SYPL2: variants seen among roughly 807,000 people sequenced by gnomAD.
SYPL2 encodes the protein synaptophysin-like protein 2.
In SYPL2, 24 loss-of-function variants were observed where a neutral mutation model predicts 31.3. The ratio of observed to expected loss-of-function variants is 0.77; its 90% CI spans 0.56 to 1.08. SYPL2 has a LOEUF of 1.08. Among genes scored for constraint, SYPL2 ranks in the 50% least tolerant of loss-of-function variants. SYPL2 has a pLI of 0.00. For missense variants in SYPL2, 342 were observed against 360.1 expected, an observed-to-expected ratio of 0.95 and a Z score of 0.41; for synonymous variants, 144 against 143.1, an observed-to-expected ratio of 1.01 and a Z score of -0.05.
Position 109,475,693 on chromosome 1 carries a change from G to A in SYPL2, c.242G>A (p.Gly81Asp). ...GTGAGCTCCATCATCGTTGCATTTG[G>A]CTATCCCTTCAGGTGAGCAAGAATT... ...KDVSSIIVAF[G>D]YPFRLHRIQY... Residue 81 changes from glycine to aspartate, a missense_variant, in exon 3 of 6, where the codon GGC becomes GAC. Transcript: ENST00000369872. The A allele has an allele frequency of 2.5e-6, 4 of 1,613,924 alleles. No homozygotes were observed. The South Asian group carries it at 3.3e-5, about 13-fold the overall frequency.
At chr1:109,467,176 C>T (rs1257924066) in intron 2 of SYPL2, 43 bp downstream of exon 2, 23 of 1,480,992 alleles carry the variant, frequency 1.6e-5, no homozygotes, top group Non-Finnish European at 1.9e-5. Flanking sequence ...GGAGCCTGGG[C>T]TGTGACGCTG....
rs1445151461 is a variant in SYPL2 at position 109,478,103 on chromosome 1, A to AGAGCTGGTGTCCCCTGCACCTG, written c.648+104_648+125dup. The AGAGCTGGTGTCCCCTGCACCTG allele has an allele frequency of 1.3e-6, 2 of 1,521,850 alleles. No homozygotes were observed. Among genetic ancestry groups the AGAGCTGGTGTCCCCTGCACCTG allele is most frequent in the Admixed American group, 4.0e-5 (2 of 49,900 alleles). The allele number at this position is 1,521,850 out of a possible 1,614,324, so 94.3% of individuals were successfully genotyped here. On this transcript the variant is annotated intron_variant, in intron 5 of 5. Coordinates refer to ENST00000369872, the MANE Select transcript of SYPL2 (RefSeq NM_001040709.2). The surrounding 1 kb of genome is among the most constrained non-coding windows in gnomAD (Gnocchi z 4.0). ...CCTGAAAGGAAAGAGAGGGTGTCCC[A>AGAGCTGGTGTCCCCTGCACCTG]GAGCTGGTGTCCCCTGCACCTGGAG...
At chr1:109,474,323 CTTTT>C (rs67683974) in intron 2 of SYPL2, among the ~76,000 whole-genome samples, 10 of 75,430 alleles carry the variant, frequency 1.3e-4, no homozygotes, top group Non-Finnish European at 1.7e-4. Flanking sequence ...CTTTTCTTTT[CTTTT>C]TTTTTTTTTT....
At chr1:109,473,659 G>A (rs539533206) in intron 2 of SYPL2, among the ~76,000 whole-genome samples, 1 of 152,256 alleles carries the variant, frequency 6.6e-6, no homozygotes, top group East Asian at 1.9e-4. Flanking sequence ...TTGGGAGGTT[G>A]AGGCGGGCGG....
At position 109,479,463 on chromosome 1, in the gene SYPL2, G is replaced by GCCAGGACCAGGA; in HGVS notation, c.752_763dup (p.Asp251_Gln254dup). 6.2e-6 allele frequency: 10 copies of GCCAGGACCAGGA among 1,614,136 alleles called. No homozygotes were observed. The highest frequency in any genetic ancestry group is 8.5e-6 in the Non-Finnish European group (10 of 1,179,990). On this transcript the variant is annotated inframe_insertion, in exon 6 of 6. Transcript: ENST00000369872. ...ACCCCGTGGCATGGACAGGGCCAGG[G>GCCAGGACCAGGA]CCAGGACCAGGACCAGGACCAGGAC...
intron 2 of SYPL2, chr1:109,475,135 G>A (rs891347775): frequency 1.9e-5 from 3 of 153,870 alleles, no homozygotes; most frequent in African/African-American, 7.2e-5. Context: ...AAGCGTTCTA[G>A]GCATGTCTGA....
rs1370236531 is a variant in SYPL2 at position 109,482,089 on chromosome 1, G to C, written c.*2541G>C. 6.6e-6 allele frequency: 1 copy of C among 152,642 alleles called. No homozygotes were observed. Among genetic ancestry groups the C allele is most frequent in the South Asian group, 2.1e-4 (1 of 4,826 alleles). The allele number at this position is 152,642 out of a possible 1,614,324, so 9.5% of individuals were successfully genotyped here. A position where few individuals can be genotyped will look rare whatever the true frequency, so the allele number is the denominator to read the frequency against. ...TGTTGCATGTTGTTTTCTGGTGCTT[G>C]TTATTATATATTTGAATAAACAGTG... On this transcript the variant is annotated 3_prime_UTR_variant, in exon 6 of 6. Transcript: ENST00000369872.
Position 109,476,806 on chromosome 1 carries a change from C to A in SYPL2, c.285C>A (p.Leu95=). Residue 95 remains leucine (L), a synonymous_variant, in exon 4 of 6, where the codon CTC becomes CTA. Transcript: ENST00000369872. ...RLHRIQYEMP[L]CDEESSSKTM... ...ACCGGATCCAATATGAGATGCCCCT[C>A]TGCGATGAAGAGTCCAGCTCCAAGA... 1 of 1,614,220 alleles carries A rather than the reference C, an allele frequency of 6.2e-7. No individual in the cohort carries two copies. The highest frequency in any genetic ancestry group is 1.1e-5 in the South Asian group (1 of 91,074).
Position 109,479,439 on chromosome 1 carries a change from C to T in SYPL2, c.710C>T (p.Thr237Ile), listed in dbSNP as rs756584050. Residue 237 changes from threonine to isoleucine, a missense_variant, in exon 6 of 6, where the codon ACC becomes ATC. Physicochemically the swap from Thr to Ile is moderately conservative, Grantham distance 89 (BLOSUM62 -1). Transcript: ENST00000369872. Reference protein sequence around the residue: ...AGNCWFVFKETPWHGQGQGQD... With the variant: ...AGNCWFVFKEIPWHGQGQGQD... ...AACTGTTGGTTTGTGTTCAAGGAGACCCCGTGGCATGGACAGGGCCAGGGC... is the reference window on the plus strand; with the variant it reads ...AACTGTTGGTTTGTGTTCAAGGAGATCCCGTGGCATGGACAGGGCCAGGGC... 1.9e-5 allele frequency: 30 copies of T among 1,614,082 alleles called. No homozygotes were observed. The highest frequency in any genetic ancestry group is 2.5e-5 in the Non-Finnish European group (29 of 1,180,036).
intron 2 of SYPL2, among the ~76,000 whole-genome samples, chr1:109,468,034 CCT>C (rs750961362): frequency 8.5e-5 from 13 of 152,170 alleles, no homozygotes; most frequent in Non-Finnish European, 1.3e-4. Flanking sequence ...CTCAGTTTCC[CCT>C]GTTACAGTCT....
chr1:109,467,120 A>G lies in SYPL2; in HGVS notation c.116A>G (p.Lys39Arg). ...RRLEEPLGFI[K>R]VLQWLFAIFA... ...CTGGAGGAGCCGCTGGGCTTCATCAAAGTTCTCCAGTGGGTGAGTCGCTGC... is the reference window on the plus strand; with the variant it reads ...CTGGAGGAGCCGCTGGGCTTCATCAGAGTTCTCCAGTGGGTGAGTCGCTGC... Residue 39 changes from lysine (K) to arginine (R), a missense_variant, in exon 2 of 6, where the codon AAA (lysine) becomes AGA (arginine). Coordinates refer to ENST00000369872, the MANE Select transcript of SYPL2 (RefSeq NM_001040709.2). 6.5e-7 allele frequency: 1 copy of G among 1,543,508 alleles called. No individual in the cohort carries two copies. The highest frequency in any genetic ancestry group is 8.7e-7 in the Non-Finnish European group (1 of 1,145,608).
At chr1:109,477,300 G>C (rs1656031271) in intron 4 of SYPL2, among the ~76,000 whole-genome samples, 1 of 152,118 alleles carries the variant, frequency 6.6e-6, no homozygotes, top group Non-Finnish European at 1.5e-5. Context: ...CTGCTTCATA[G>C]TTTTGTGTGT....
intron 2 of SYPL2, among the ~76,000 whole-genome samples, chr1:109,473,110 C>T (rs10494040): frequency 0.68 from 102,672 of 151,968 alleles, 35,441 homozygotes; most frequent in East Asian, 0.96. Context: ...AAAAGATTAG[C>T]GAATTCCTAT....
chr1:109,473,546 T>C (rs72985025), intron 2 of SYPL2, among the ~76,000 whole-genome samples: 2,716 of 151,656 alleles, frequency 0.018, 89 homozygotes, highest in African/African-American at 0.063. Flanking sequence ...TCTCAGAGAG[T>C]GAGAGAGTTC....
At position 109,475,624 on chromosome 1, in the gene SYPL2, G is replaced by T; in HGVS notation, c.173G>T (p.Gly58Val). The change falls in exon 3 of 6, where the codon GGG (glycine) becomes GTG (valine). Residue 58 changes from glycine to valine, a missense_variant. Gly to Val is a moderately radical substitution (Grantham distance 109). Coordinates refer to ENST00000369872, the MANE Select transcript of SYPL2 (RefSeq NM_001040709.2). Reference protein sequence around the residue: ...FAFGSCGSYSGETGAMVRCNN... With the variant: ...FAFGSCGSYSVETGAMVRCNN... ...TTCGGGTCCTGTGGCTCCTACAGCGGGGAGACAGGAGCAATGGTTCGCTGC... is the reference window on the plus strand; with the variant it reads ...TTCGGGTCCTGTGGCTCCTACAGCGTGGAGACAGGAGCAATGGTTCGCTGC... The T allele has an allele frequency of 3.7e-6, 6 of 1,614,134 alleles. No homozygotes were observed. The highest frequency in any genetic ancestry group is 5.1e-6 in the Non-Finnish European group (6 of 1,180,008).
At chr1:109,477,459 C>T (rs1249207237) in intron 4 of SYPL2, among the ~76,000 whole-genome samples, 1 of 152,150 alleles carries the variant, frequency 6.6e-6, no homozygotes, top group Non-Finnish European at 1.5e-5. Flanking sequence ...TTGCGTCCTG[C>T]AGTCTGCCAC....
In SYPL2 at chr1:109,467,135, T is replaced by C. The variant is rs1655672204; in HGVS notation, c.129+2T>C. ...GGCTTCATCAAAGTTCTCCAGTGGG[T>C]GAGTCGCTGCCCCGGCCCCGGGCTA... is the stretch of plus-strand genomic sequence containing the variant. On this transcript the variant is annotated splice_donor_variant, in intron 2 of 5. Coordinates refer to ENST00000369872, the MANE Select transcript of SYPL2 (RefSeq NM_001040709.2). LOFTEE classifies it high-confidence loss of function. The C allele has an allele frequency of 1.3e-6, 2 of 1,540,390 alleles. No homozygotes were observed. Among genetic ancestry groups the C allele is most frequent in the Non-Finnish European group, 1.7e-6 (2 of 1,144,746 alleles).
chr1:109,476,785 G>A lies in SYPL2; in HGVS notation c.264G>A (p.Arg88=), dbSNP rs751586631. The change falls in exon 4 of 6, where the codon CGG becomes CGA. Residue 88 remains arginine, a synonymous_variant. Transcript: ENST00000369872. The part of the protein sequence containing the change: ...VAFGYPFRLH[R]IQYEMPLCDE... ...CCCCTGCCACCTGCAGGTTGCACCG[G>A]ATCCAATATGAGATGCCCCTCTGCG... is the stretch of plus-strand genomic sequence containing the variant. 2 of 1,614,012 alleles carry A rather than the reference G, an allele frequency of 1.2e-6. No individual in the cohort carries two copies. The highest frequency in any genetic ancestry group is 2.2e-5 in the South Asian group (2 of 91,060).
At position 109,466,549 on chromosome 1, in the gene SYPL2, C is replaced by T. The variant is rs4970765; in HGVS notation, c.-295C>T. On this transcript the variant is annotated 5_prime_UTR_variant, in exon 1 of 6. Coordinates refer to ENST00000369872, the MANE Select transcript of SYPL2 (RefSeq NM_001040709.2). Reference sequence around the variant, plus strand: ...GGTTCGGGAGCGCACGCCACGTGACCCGGCGGCCAAGTTCGCTGCGAGTTT... The same window carrying T: ...GGTTCGGGAGCGCACGCCACGTGACTCGGCGGCCAAGTTCGCTGCGAGTTT... 0.7 allele frequency: 254,933 copies of T among 364,846 alleles called. 91,090 individuals are homozygous for T. The highest frequency in any genetic ancestry group is 0.98 in the East Asian group (21,415 of 21,922). 22.6% of individuals were successfully genotyped at this position (364,846 alleles called of 1,614,324 possible). A position where few individuals can be genotyped will look rare whatever the true frequency, so the allele number is the denominator to read the frequency against.
Sources: allele counts gnomAD v4.1 joint callset (sites outside exome capture counted in the v4.1 genomes callset), GRCh38; gene constraint gnomAD v4.1.1; non-coding constraint Gnocchi (gnomAD v3.1); transcripts MANE v1.5; gene names NCBI Gene and HGNC (gene_info 2026-07-23, HGNC 2026-07-21).